Variants in ARHGAP6 observed in about 807,000 individuals in gnomAD.
ARHGAP6 encodes the protein rho GTPase-activating protein 6.
In ARHGAP6, 16 loss-of-function variants were observed where a neutral mutation model predicts 55.7. The observed-to-expected ratio is 0.29, with a 90% CI of 0.19 to 0.44. The LOEUF (loss-of-function observed/expected upper bound fraction) is 0.44, where lower values mean the gene tolerates loss of function less well. Ranked by LOEUF, ARHGAP6 falls within the 20% of genes least tolerant of loss-of-function variation. The pLI, the probability that ARHGAP6 is intolerant of heterozygous loss-of-function variation, is 1.00. For synonymous variants in ARHGAP6, 382 were observed against 360.9 expected (o/e 1.06, Z -0.66); for missense variants, 698 against 808.9 (o/e 0.86, Z 1.66).
At chrX:11,179,485 T>C in intron 6 of ARHGAP6, 33 bp from the exon 7 acceptor site, 1 of 1,194,581 alleles carries the variant, frequency 8.4e-7, no homozygotes, top group Non-Finnish European at 1.1e-6. Flanking sequence ...GGCAGTCACA[T>C]AACACCATAC....
intron 1 of ARHGAP6, among the ~76,000 whole-genome samples, chrX:11,395,625 G>A (rs1233029915): frequency 8.9e-6 from 1 of 112,352 alleles, no homozygotes; most frequent in Non-Finnish European, 1.9e-5. Flanking sequence ...GAAAACATTA[G>A]GTACTACCGG....
At chrX:11,194,434 C>T (rs746063325) in intron 3 of ARHGAP6, among the ~76,000 whole-genome samples, 36 of 111,985 alleles carry the variant, frequency 3.2e-4, no homozygotes, top group Admixed American at 1.9e-3. Flanking sequence ...CTGAAGAACA[C>T]GAACTCAGAC....
intron 8 of ARHGAP6, among the ~76,000 whole-genome samples, chrX:11,177,287 C>T (rs1458229779): frequency 3.1e-5 from 3 of 96,366 alleles, no homozygotes; most frequent in Non-Finnish European, 6.0e-5. Context: ...CTCATTTGTC[C>T]AAGGGTGAAA....
chrX:11,478,120 A>T (rs1286698267), intron 1 of ARHGAP6, among the ~76,000 whole-genome samples: 4 of 112,074 alleles, frequency 3.6e-5, no homozygotes, highest in Non-Finnish European at 7.5e-5. Context: ...CTGTACATTG[A>T]TGGAAAACTT....
At chrX:11,306,685 G>A (rs1194584887) in intron 1 of ARHGAP6, among the ~76,000 whole-genome samples, 3 of 111,999 alleles carry the variant, frequency 2.7e-5, no homozygotes, top group Non-Finnish European at 3.8e-5. Context: ...AAACTAATTC[G>A]TCATCCGCCT....
At chrX:11,573,645 C>T (rs1343963632) in intron 1 of ARHGAP6, among the ~76,000 whole-genome samples, 1 of 110,694 alleles carries the variant, frequency 9.0e-6, no homozygotes, top group African/African-American at 3.3e-5. Flanking sequence ...GTTCTTTTGG[C>T]TTAGGATTGA....
intron 1 of ARHGAP6, among the ~76,000 whole-genome samples, chrX:11,269,683 CA>C (rs745497736): frequency 6.3e-4 from 70 of 111,832 alleles, no homozygotes; most frequent in Non-Finnish European, 6.6e-4. Context: ...TTACAGTGCT[CA>C]GTGAAAATGT....
At chrX:11,592,644 G>C (rs754156828) in intron 1 of ARHGAP6, among the ~76,000 whole-genome samples, 46 of 111,436 alleles carry the variant, frequency 4.1e-4, no homozygotes, top group African/African-American at 1.4e-3. Flanking sequence ...GTATATACTA[G>C]TGATAAAATC....
intron 1 of ARHGAP6, among the ~76,000 whole-genome samples, chrX:11,520,131 TTATA>T (rs1160731443): frequency 0.047 from 857 of 18,231 alleles, 19 homozygotes; most frequent in Non-Finnish European, 0.053. Context: ...AGAATTGATT[TTATA>T]TATATATATA....
intron 1 of ARHGAP6, among the ~76,000 whole-genome samples, chrX:11,574,343 C>G (rs1438408380): frequency 9.1e-6 from 1 of 109,947 alleles, no homozygotes; most frequent in Admixed American, 9.7e-5. Flanking sequence ...ACTGGCAAAC[C>G]AAATCCAGCA....
At chrX:11,269,259 T>C (rs1337302488) in intron 1 of ARHGAP6, among the ~76,000 whole-genome samples, 1 of 111,691 alleles carries the variant, frequency 9.0e-6, no homozygotes, top group Non-Finnish European at 1.9e-5. Flanking sequence ...TTCTCCCCAC[T>C]GAACGACATC....
At chrX:11,630,674 G>A (rs1269372028) in intron 1 of ARHGAP6, among the ~76,000 whole-genome samples, 2 of 112,258 alleles carry the variant, frequency 1.8e-5, no homozygotes, top group Non-Finnish European at 3.8e-5. Flanking sequence ...AATGCAGATA[G>A]TTACCTGGAC....
At chrX:11,428,338 G>A (rs1324369902) in intron 1 of ARHGAP6, among the ~76,000 whole-genome samples, 1 of 111,727 alleles carries the variant, frequency 9.0e-6, no homozygotes, top group Non-Finnish European at 1.9e-5. Flanking sequence ...TGGTCACTTA[G>A]GGTGACCCGA....
At position 11,352,901 on chromosome X, in the gene ARHGAP6, G is replaced by C. The variant is rs1026027138; in HGVS notation, c.589-98194C>G. 2.7e-5 allele frequency among the ~76,000 whole-genome samples: 3 copies of C among 111,349 alleles called. No homozygotes were observed. In the Admixed American group the frequency reaches 2.9e-4, roughly 11 times the overall value. On this transcript the variant is annotated intron_variant, in intron 1 of 12. Coordinates refer to ENST00000337414, the MANE Select transcript of ARHGAP6 (RefSeq NM_013427.3). Reference sequence around the variant, plus strand: ...ATTGATGTATACATACTATGTATAGGTATATATACTACATATATATGCATA... The same window carrying C: ...ATTGATGTATACATACTATGTATAGCTATATATACTACATATATATGCATA...
chrX:11,298,028 T>A (rs773668995), intron 1 of ARHGAP6: 2 of 977,485 alleles, frequency 2.0e-6, no homozygotes, highest in Non-Finnish European at 2.9e-6. Flanking sequence ...GAAGAATGTG[T>A]GTGATGGATG....
chrX:11,416,880 C>G (rs1382968540), intron 1 of ARHGAP6, among the ~76,000 whole-genome samples: 1 of 107,535 alleles, frequency 9.3e-6, no homozygotes, highest in Non-Finnish European at 1.9e-5. Context: ...ATGGATGTGC[C>G]GTTAGAACAG....
chrX:11,273,008 T>C (rs753287426), intron 1 of ARHGAP6, among the ~76,000 whole-genome samples: 1 of 111,655 alleles, frequency 9.0e-6, no homozygotes, highest in South Asian at 3.7e-4. Context: ...GGAGATAAAA[T>C]AGTCCTGTAG....
intron 1 of ARHGAP6, among the ~76,000 whole-genome samples, chrX:11,374,459 G>A (rs1441232624): frequency 8.9e-6 from 1 of 111,972 alleles, no homozygotes; most frequent in Non-Finnish European, 1.9e-5. Flanking sequence ...TTTTCTATTG[G>A]ACAATGCTGT....
intron 1 of ARHGAP6, among the ~76,000 whole-genome samples, chrX:11,503,592 T>C (rs1005068954): frequency 1.3e-4 from 15 of 111,713 alleles, no homozygotes; most frequent in African/African-American, 4.9e-4. Context: ...GATTACTCTT[T>C]AGCCCTTGCC....
Sources: gnomAD v4.1 joint callset for allele counts (sites outside exome capture counted in the v4.1 genomes callset) on GRCh38, gnomAD v4.1.1 for gene constraint, MANE v1.5 for transcripts, NCBI Gene and HGNC (gene_info 2026-07-23, HGNC 2026-07-21) for gene names.